Variants in XKR9 observed in about 807,000 individuals in gnomAD.
XKR9 encodes XK-related protein 9.
Under a neutral mutation model 32.0 loss-of-function variants are expected in XKR9, and 32 were observed. The observed-to-expected ratio is 1.00, with a 90% confidence interval of 0.76 to 1.34. The LOEUF (loss-of-function observed/expected upper bound fraction) is 1.34, where lower values mean the gene tolerates loss of function less well. Ranked by LOEUF, XKR9 falls within the 40% of genes most tolerant of loss-of-function variation. The pLI, the probability that XKR9 is intolerant of heterozygous loss-of-function variation, is 0.00. For missense variants in XKR9, 546 were observed against 429.7 expected (o/e 1.27, Z -2.39); for synonymous variants, 168 against 143.4 (o/e 1.17, Z -1.22).
At chr8:70,885,098 T>C in the XKR9 span, among the ~76,000 whole-genome samples, 3 of 152,248 alleles carry the variant, frequency 2.0e-5, no homozygotes, top group Admixed American at 6.5e-5. Context: ...CTTTTTTTTT[T>C]CAGTTTATAC....
At chr8:70,747,262 G>T (rs555416781) in intron 2 of XKR9, among the ~76,000 whole-genome samples, 1 of 152,272 alleles carries the variant, frequency 6.6e-6, no homozygotes, top group South Asian at 2.1e-4. Flanking sequence ...TTTTCCTTTG[G>T]ATATATACCC....
intron 2 of XKR9, among the ~76,000 whole-genome samples, chr8:70,743,243 C>G (rs562730057): frequency 8.2e-4 from 124 of 152,012 alleles, no homozygotes; most frequent in Non-Finnish European, 1.4e-3. Flanking sequence ...TCCTTGGGTT[C>G]TTTTTATGGT....
chr8:70,679,460 G>T (rs1022522216), intron 2 of XKR9, among the ~76,000 whole-genome samples: 6 of 152,084 alleles, frequency 3.9e-5, no homozygotes, highest in East Asian at 1.9e-4. Flanking sequence ...AAAGTATAAG[G>T]CTGAAAAGAA....
chr8:70,872,222 A>G, the XKR9 span, among the ~76,000 whole-genome samples: 1 of 152,246 alleles, frequency 6.6e-6, no homozygotes, highest in African/African-American at 2.4e-5. Context: ...CTTATTGATT[A>G]TATGAACAAA....
At chr8:70,700,447 C>T (rs1229528591) in intron 3 of XKR9, among the ~76,000 whole-genome samples, 2 of 152,212 alleles carry the variant, frequency 1.3e-5, no homozygotes, top group African/African-American at 4.8e-5. Flanking sequence ...TAGAGGTCCA[C>T]TCCAGAACCT....
the XKR9 span, among the ~76,000 whole-genome samples, chr8:70,800,980 AG>A: frequency 1.4e-5 from 2 of 147,702 alleles, no homozygotes; most frequent in Non-Finnish European, 3.0e-5. Context: ...GAGGTCTCTA[AG>A]GTTTTTTTTT....
intron 2 of XKR9, among the ~76,000 whole-genome samples, chr8:70,760,541 A>G (rs1354052734): frequency 2.0e-5 from 3 of 152,104 alleles, no homozygotes; most frequent in Non-Finnish European, 4.4e-5. Context: ...GGGTTTTGCT[A>G]TGTTTCCCAG....
chr8:70,753,059 G>T (rs142025375), intron 2 of XKR9, among the ~76,000 whole-genome samples: 12 of 151,968 alleles, frequency 7.9e-5, no homozygotes, highest in Admixed American at 2.0e-4. Context: ...TCAAATAGAC[G>T]CAATAAAAAA....
chr8:70,790,343 G>A (rs1464617292), exon 4 of XKR9: 1 of 151,988 alleles, frequency 6.6e-6, no homozygotes, highest in African/African-American at 2.4e-5. Flanking sequence ...ATATATAAAA[G>A]TATTAGAAGT....
the XKR9 span, among the ~76,000 whole-genome samples, chr8:70,866,503 GAGGCATTTCTGCTGAGTTTGAGAGCAC>G: frequency 1.3e-5 from 2 of 152,312 alleles, 1 homozygote; most frequent in South Asian, 4.1e-4. Flanking sequence ...TAGCTATCTA[GAGGCATTTCTGCTGAGTTTGAGAGCAC>G]AGTCTATTAG....
At chr8:70,770,281 C>T (rs776703537) in intron 2 of XKR9, among the ~76,000 whole-genome samples, 4 of 152,186 alleles carry the variant, frequency 2.6e-5, no homozygotes, top group Non-Finnish European at 4.4e-5. Flanking sequence ...GGCTGCAGAA[C>T]AGCAAAGATT....
intron 2 of XKR9, among the ~76,000 whole-genome samples, chr8:70,765,592 T>C (rs1807364437): frequency 6.6e-6 from 1 of 152,218 alleles, no homozygotes; most frequent in Admixed American, 6.5e-5. Context: ...TTTCTTTTGC[T>C]GTGTGGAAGC....
chr8:70,916,638 G>A, the XKR9 span, among the ~76,000 whole-genome samples: 1 of 151,856 alleles, frequency 6.6e-6, no homozygotes, highest in Non-Finnish European at 1.5e-5. Flanking sequence ...TTGATCCTTG[G>A]CACTTCTATA....
the XKR9 span, among the ~76,000 whole-genome samples, chr8:70,809,310 A>G: frequency 6.6e-6 from 1 of 152,198 alleles, no homozygotes; most frequent in Non-Finnish European, 1.5e-5. Flanking sequence ...ACCATCATCA[A>G]AGACCAAAGG....
chr8:71,012,247 A>G, the XKR9 span, among the ~76,000 whole-genome samples: 4 of 152,190 alleles, frequency 2.6e-5, no homozygotes, highest in Non-Finnish European at 5.9e-5. Context: ...AAAAAGACAG[A>G]TAAGGAGAGA....
At chr8:70,695,412 G>C (rs977351720) in intron 3 of XKR9, among the ~76,000 whole-genome samples, 5 of 143,558 alleles carry the variant, frequency 3.5e-5, no homozygotes, top group Non-Finnish European at 6.0e-5. Flanking sequence ...CCACCTATGA[G>C]TGAGAACATG....
At position 70,735,640 on chromosome 8, in the gene XKR9, A is replaced by G. The variant is rs1205235646; in HGVS notation, c.*1216A>G. Reference sequence around the variant, plus strand: ...CCCCCCACCCCACAACAGTCCCCAGAGTGTGATGATCCCCTTCCTGTGTCC... The same window carrying G: ...CCCCCCACCCCACAACAGTCCCCAGGGTGTGATGATCCCCTTCCTGTGTCC... On this transcript the variant is annotated 3_prime_UTR_variant, in exon 5 of 5. Transcript: ENST00000408926. The G allele has an allele frequency of 6.8e-5, 8 of 117,738 alleles. No individual in the cohort carries two copies. The highest frequency in any genetic ancestry group is 2.6e-4 in the East Asian group (1 of 3,862). The allele number at this position is 117,738 out of a possible 1,614,324, so 7.3% of individuals were successfully genotyped here.
At chr8:70,929,729 C>G in the XKR9 span, among the ~76,000 whole-genome samples, 1 of 152,164 alleles carries the variant, frequency 6.6e-6, no homozygotes, top group Non-Finnish European at 1.5e-5. Flanking sequence ...AAATGGTCAT[C>G]GAGTCCCTCT....
At chr8:70,836,619 T>G in the XKR9 span, among the ~76,000 whole-genome samples, 45,686 of 151,066 alleles carry the variant, frequency 0.3, 8,659 homozygotes, top group Non-Finnish European at 0.43. Flanking sequence ...ATATTTGGGG[T>G]TTTTTTTTGC....
Sources: allele counts gnomAD v4.1 joint callset (sites outside exome capture counted in the v4.1 genomes callset), GRCh38; gene constraint gnomAD v4.1.1; transcripts MANE v1.5; gene names NCBI Gene and HGNC (gene_info 2026-07-23, HGNC 2026-07-21).